Variants in TMEM260 observed in about 807,000 individuals in gnomAD.
TMEM260 encodes the protein transmembrane protein 260.
TMEM260 carries 82 observed loss-of-function variants against 88.9 expected under a neutral mutation model. The ratio of observed to expected loss-of-function variants is 0.92; its 90% CI spans 0.77 to 1.11. The LOEUF (loss-of-function observed/expected upper bound fraction) is 1.11. Among genes scored for constraint, TMEM260 ranks in the 50% least tolerant of loss-of-function variants. TMEM260 has a pLI of 0.00. For missense variants in TMEM260, 902 were observed against 853.4 expected (o/e 1.06, Z -0.71); for synonymous variants, 314 against 309.3 (o/e 1.02, Z -0.16).
chr14:56,599,808 A>G (rs1442105799), intron 3 of TMEM260, among the ~76,000 whole-genome samples: 1 of 152,222 alleles, frequency 6.6e-6, no homozygotes, highest in East Asian at 1.9e-4. Flanking sequence ...TACTTGGACT[A>G]AATCCAACAT....
intron 12 of TMEM260, among the ~76,000 whole-genome samples, chr14:56,629,466 T>G (rs940586900): frequency 6.6e-6 from 1 of 152,120 alleles, no homozygotes; most frequent in Non-Finnish European, 1.5e-5. Context: ...ATACATATAT[T>G]AAAGAACTTA....
intron 15 of TMEM260, among the ~76,000 whole-genome samples, chr14:56,639,648 G>A (rs569092142): frequency 6.6e-6 from 1 of 152,204 alleles, no homozygotes; most frequent in Admixed American, 6.5e-5. Context: ...CGGACAGTGG[G>A]TGCAGTGCAC....
At chr14:56,581,685 T>C (rs1478849329) in intron 1 of TMEM260, among the ~76,000 whole-genome samples, 17 of 152,352 alleles carry the variant, frequency 1.1e-4, no homozygotes, top group African/African-American at 3.8e-4. Context: ...CCCTCCCAGC[T>C]ACCCTTAAAA....
chr14:56,617,745 A>C (rs959018828), intron 9 of TMEM260, among the ~76,000 whole-genome samples: 1 of 152,136 alleles, frequency 6.6e-6, no homozygotes, highest in Non-Finnish European at 1.5e-5. Context: ...TATTTCTTCT[A>C]CTTACAATAG....
At chr14:56,600,492 A>C (rs1886508993) in intron 3 of TMEM260, among the ~76,000 whole-genome samples, 1 of 152,204 alleles carries the variant, frequency 6.6e-6, no homozygotes, top group Non-Finnish European at 1.5e-5. Flanking sequence ...TAAAAAAGCA[A>C]ATAATCCAAT....
chr14:56,638,604 T>C (rs1889310326), intron 15 of TMEM260, among the ~76,000 whole-genome samples: 1 of 152,102 alleles, frequency 6.6e-6, no homozygotes, highest in African/African-American at 2.4e-5. Context: ...CCTTTGCACA[T>C]AGTCTCCAGA....
intron 1 of TMEM260, among the ~76,000 whole-genome samples, chr14:56,581,562 ATGGT>A (rs753002951): frequency 2.6e-5 from 4 of 152,202 alleles, no homozygotes; most frequent in Non-Finnish European, 4.4e-5. Context: ...ACAGCTACTT[ATGGT>A]TGGTTGAGTG....
chr14:56,635,040 T>C (rs987354869), intron 14 of TMEM260, 88 bp downstream of exon 14: 27 of 1,104,860 alleles, frequency 2.4e-5, no homozygotes, highest in Non-Finnish European at 3.6e-5. Flanking sequence ...AGAGTAGGGG[T>C]GAGTAGTGAT....
chr14:56,633,029 GGC>G lies in TMEM260; in HGVS notation c.1584_1585del (p.Asp529ProfsTer16), dbSNP rs1361764270. 2.5e-6 allele frequency: 4 copies of G among 1,613,758 alleles called. No homozygotes were observed. Among genetic ancestry groups the G allele is most frequent in the Non-Finnish European group, 3.4e-6 (4 of 1,179,956 alleles). On this transcript the variant is annotated frameshift_variant, in exon 13 of 16. Coordinates refer to ENST00000261556, the MANE Select transcript of TMEM260 (RefSeq NM_017799.4). LOFTEE classifies it high-confidence loss of function. ...ETFVCIGIHE[G>X]DPTWKKNYSL... The stretch of plus-strand genomic sequence containing the variant: ...ATTTGTTTGCATAGGAATTCATGAA[GGC>G]GACCCAACCTGGAAAAAGAACTATT...
chr14:56,615,335 A>G (rs1487059051), intron 7 of TMEM260: 1 of 152,170 alleles, frequency 6.6e-6, no homozygotes, highest in African/African-American at 2.4e-5. Flanking sequence ...ACACCTGAAA[A>G]TGCATATGAG....
intron 3 of TMEM260, among the ~76,000 whole-genome samples, chr14:56,602,266 T>C (rs1193804595): frequency 6.6e-6 from 1 of 152,030 alleles, no homozygotes; most frequent in Non-Finnish European, 1.5e-5. Flanking sequence ...TTTAAATAAA[T>C]AGAAAGGAGC....
chr14:56,651,789 T>C (rs1030951645), downstream of TMEM260, among the ~76,000 whole-genome samples: 6 of 152,222 alleles, frequency 3.9e-5, no homozygotes, highest in African/African-American at 7.2e-5. Context: ...TTCAAAACTT[T>C]AGCGTATAAG....
Position 56,627,043 on chromosome 14 carries a change from GCTAATATT to G in TMEM260, c.1547+1516_1547+1523del, listed in dbSNP as rs538090045. The stretch of plus-strand genomic sequence containing the variant: ...CCCATGTATATTATTGTCATTGTTG[GCTAATATT>G]CTCATAAGACGCATAATAATTTAAC... On this transcript the variant is annotated intron_variant, in intron 12 of 15. Coordinates refer to ENST00000261556, the MANE Select transcript of TMEM260 (RefSeq NM_017799.4). Among the ~76,000 whole-genome samples, 92 of 151,884 alleles carry G rather than the reference GCTAATATT, an allele frequency of 6.1e-4. No homozygotes were observed. The East Asian group carries it at 0.012, about 20-fold the overall frequency.
intron 12 of TMEM260, among the ~76,000 whole-genome samples, chr14:56,632,379 C>T (rs948834521): frequency 1.3e-5 from 2 of 152,170 alleles, no homozygotes. Flanking sequence ...GGGCTCCCCT[C>T]TCTCAGAGTT....
intron 15 of TMEM260, among the ~76,000 whole-genome samples, chr14:56,642,434 GA>G (rs1267805094): frequency 6.6e-6 from 1 of 152,128 alleles, no homozygotes; most frequent in Admixed American, 6.5e-5. Context: ...AATGAAGGCA[GA>G]AATAAAGATG....
At chr14:56,603,601 G>T (rs576181688) in intron 3 of TMEM260, among the ~76,000 whole-genome samples, 1 of 152,246 alleles carries the variant, frequency 6.6e-6, no homozygotes, top group South Asian at 2.1e-4. Context: ...CTAGCCATAG[G>T]TTAGTTTATT....
At chr14:56,607,723 T>C (rs973547917) in intron 5 of TMEM260, among the ~76,000 whole-genome samples, 2 of 152,176 alleles carry the variant, frequency 1.3e-5, no homozygotes, top group African/African-American at 4.8e-5. Flanking sequence ...TATATATATA[T>C]GTATTTATTT....
chr14:56,626,363 T>G (rs1222258557), intron 12 of TMEM260, among the ~76,000 whole-genome samples: 2 of 152,178 alleles, frequency 1.3e-5, no homozygotes, highest in African/African-American at 4.8e-5. Context: ...TAGGAACCAT[T>G]AACATCCCCA....
chr14:56,639,869 C>T (rs1889436402), intron 15 of TMEM260, among the ~76,000 whole-genome samples: 1 of 152,212 alleles, frequency 6.6e-6, no homozygotes, highest in Non-Finnish European at 1.5e-5. Flanking sequence ...CCTATGCCCA[C>T]AGAACCTCAC....
Sources: allele counts gnomAD v4.1 joint callset (sites outside exome capture counted in the v4.1 genomes callset), GRCh38; gene constraint gnomAD v4.1.1; transcripts MANE v1.5; gene names NCBI Gene and HGNC (gene_info 2026-07-23, HGNC 2026-07-21).